Variants in PCDHGA4 observed in about 807,000 individuals in gnomAD.
PCDHGA4 encodes protocadherin gamma subfamily A, 4, also known as protocadherin gamma-A4.
A neutral mutation model predicts 54.6 loss-of-function variants in PCDHGA4; 38 were observed. That is an observed-to-expected ratio of 0.70 (90% CI 0.54 to 0.91). PCDHGA4 has a LOEUF of 0.91. PCDHGA4 is among the 40% of genes least tolerant of loss of function. The pLI is 0.00. For synonymous variants in PCDHGA4, 511 were observed against 512.9 expected (o/e 1.00, Z 0.05); for missense variants, 1,298 against 1,220.9 (o/e 1.06, Z -0.94).
intron 1 of PCDHGA4, among the ~76,000 whole-genome samples, chr5:141,456,918 G>A (rs535602842): frequency 6.6e-6 from 1 of 152,006 alleles, no homozygotes; most frequent in African/African-American, 2.4e-5. Context: ...AGCCGAGATC[G>A]CACCACTGCA....
At chr5:141,415,696 G>C (rs867312295) in intron 1 of PCDHGA4, 12 of 1,397,434 alleles carry the variant, frequency 8.6e-6, no homozygotes, top group Non-Finnish European at 1.1e-5. Flanking sequence ...GGTGGAAAGT[G>C]TAAATGCTAA....
At chr5:141,360,789 A>T (rs780273649) in intron 1 of PCDHGA4, 15 of 1,613,940 alleles carry the variant, frequency 9.3e-6, no homozygotes, top group Non-Finnish European at 1.2e-5. Context: ...TGGATGGCGG[A>T]GACCCACCTC....
rs1353509218 is a variant in PCDHGA4, at chr5:141,512,908, TTTATACTC to T, written c.*1737_*1744del. ...CCCTCTTCCTGTGTCTCACGCAAGTTTTATACTCTAATATTTATATGGCTTTTTTTCTT... is the reference window on the plus strand; with the variant it reads ...CCCTCTTCCTGTGTCTCACGCAAGTTTAATATTTATATGGCTTTTTTTCTT... On this transcript the variant is annotated 3_prime_UTR_variant, in exon 4 of 4. Transcript: ENST00000571252. 6.6e-6 allele frequency: 1 copy of T among 152,268 alleles called. No individual in the cohort carries two copies. Among genetic ancestry groups the T allele is most frequent in the Non-Finnish European group, 1.5e-5 (1 of 68,054 alleles). 9.4% of individuals were successfully genotyped at this position (152,268 alleles called of 1,614,324 possible).
Position 141,357,538 on chromosome 5 carries a change from A to C in PCDHGA4, c.2431A>C (p.Ile811Leu). ...FSQPSYADTL[I>L]SRESCEKSEP... ...CCAACCCAGCTATGCAGACACGCTC[A>C]TCAGCCGGGAGAGTTGTGAGAAAAG... The change falls in exon 1 of 4, where the codon ATC becomes CTC. Residue 811 changes from isoleucine (I) to leucine (L), a missense_variant. Coordinates refer to ENST00000571252, the MANE Select transcript of PCDHGA4 (RefSeq NM_018917.4). 6.2e-7 allele frequency: 1 copy of C among 1,614,220 alleles called. No individual in the cohort carries two copies. Among genetic ancestry groups the C allele is most frequent in the South Asian group, 1.1e-5 (1 of 91,086 alleles).
intron 1 of PCDHGA4, among the ~76,000 whole-genome samples, chr5:141,458,338 G>A (rs1160200932): frequency 2.6e-5 from 4 of 152,134 alleles, no homozygotes; most frequent in African/African-American, 9.7e-5. Context: ...GTTTTAAGGA[G>A]TGGAGAGTTT....
Position 141,494,830 on chromosome 5 carries a change from G to C in PCDHGA4, c.2538G>C (p.Trp846Cys), listed in dbSNP as rs2099757104. Residue 846 changes from tryptophan (W) to cysteine (C), a missense_variant, in exon 2 of 4, where the codon TGG (tryptophan) becomes TGC (cysteine). Coordinates refer to ENST00000571252, the MANE Select transcript of PCDHGA4 (RefSeq NM_018917.4). ...AGCAAGCCCCGCCCAACACGGACTG[G>C]CGTTTCTCTCAGGCCCAGAGACCCG... The part of the protein sequence containing the change: ...NLQQAPPNTD[W>C]RFSQAQRPGT... 6.2e-7 allele frequency: 1 copy of C among 1,614,098 alleles called. No homozygotes were observed. The highest frequency in any genetic ancestry group is 2.2e-5 in the East Asian group (1 of 44,862).
intron 1 of PCDHGA4, chr5:141,361,012 A>G: frequency 6.2e-7 from 1 of 1,613,186 alleles, no homozygotes; most frequent in South Asian, 1.1e-5. Flanking sequence ...ACACTTTTTC[A>G]ACTTAAATGA....
At chr5:141,407,767 G>T (rs1458257073) in intron 1 of PCDHGA4, among the ~76,000 whole-genome samples, 1 of 152,140 alleles carries the variant, frequency 6.6e-6, no homozygotes, top group Non-Finnish European at 1.5e-5. Context: ...GTTTGAAATT[G>T]TGCATAATAG....
chr5:141,383,610 C>T, intron 1 of PCDHGA4: 1 of 1,613,818 alleles, frequency 6.2e-7, no homozygotes, highest in South Asian at 1.1e-5. Flanking sequence ...ATGTGAATGA[C>T]CACACGCCTG....
At chr5:141,413,806 A>G (rs775797735) in intron 1 of PCDHGA4, 1 of 1,613,168 alleles carries the variant, frequency 6.2e-7, no homozygotes, top group Non-Finnish European at 8.5e-7. Context: ...GGAAGAGGCC[A>G]TTCACCACCT....
rs192411178 is a variant in PCDHGA4, at chr5:141,397,840, C to A, written c.2514+40219C>A. ...AATTACTGCACTGGTTAACTTGAAG[C>A]CGCAGAGGCTGTAGTTTCCTAGTGC... On this transcript the variant is annotated intron_variant, in intron 1 of 3. Transcript: ENST00000571252. 268 of 517,094 alleles carry A rather than the reference C, an allele frequency of 5.2e-4. 2 individuals carry two copies. Among genetic ancestry groups the A allele is most frequent in the African/African-American group, 4.6e-3 (241 of 51,950 alleles). The allele number at this position is 517,094 out of a possible 1,614,324, so 32.0% of individuals were successfully genotyped here. A position where few individuals can be genotyped will look rare whatever the true frequency, so the allele number is the denominator to read the frequency against.
intron 1 of PCDHGA4, among the ~76,000 whole-genome samples, chr5:141,494,512 C>T (rs2154591503): frequency 6.6e-6 from 1 of 152,276 alleles, no homozygotes; most frequent in Middle Eastern, 3.4e-3. Context: ...AATTTTGGCT[C>T]AGGAGTTCTG....
In PCDHGA4 at chr5:141,357,077, T is replaced by C. The variant is rs1040495853; in HGVS notation, c.1970T>C (p.Val657Ala). The part of the protein sequence containing the change: ...LFAVGLHTGE[V>A]RTARALLDRD... ...GCAGTGGGGCTGCACACAGGCGAGG[T>C]GCGCACCGCACGGGCCCTGCTGGAC... is the stretch of plus-strand genomic sequence containing the variant. The change falls in exon 1 of 4, where the codon GTG (valine) becomes GCG (alanine). Residue 657 changes from valine to alanine, a missense_variant. Transcript: ENST00000571252. The C allele has an allele frequency of 6.2e-7, 1 of 1,613,842 alleles. No individual in the cohort carries two copies. Among genetic ancestry groups the C allele is most frequent in the African/African-American group, 1.3e-5 (1 of 75,024 alleles).
chr5:141,362,549 T>C (rs1762561997), intron 1 of PCDHGA4: 1 of 1,612,502 alleles, frequency 6.2e-7, no homozygotes, highest in Admixed American at 1.7e-5. Context: ...TCAGATACTA[T>C]TTTGAAGGTG....
intron 1 of PCDHGA4, chr5:141,370,945 A>G (rs926355421): frequency 6.2e-7 from 1 of 1,614,020 alleles, no homozygotes; most frequent in Non-Finnish European, 8.5e-7. Context: ...ATTCAGAAGG[A>G]GAACCTGGAT....
chr5:141,375,103 C>G (rs1230243964), intron 1 of PCDHGA4: 1 of 1,613,900 alleles, frequency 6.2e-7, no homozygotes, highest in South Asian at 1.1e-5. Context: ...TCTTGGATGT[C>G]AATGATAATG....
intron 1 of PCDHGA4, among the ~76,000 whole-genome samples, chr5:141,454,649 G>A (rs1202153817): frequency 6.6e-6 from 1 of 151,800 alleles, no homozygotes; most frequent in Non-Finnish European, 1.5e-5. Context: ...CAGGTGATCT[G>A]CCCACCTCGG....
chr5:141,430,216 A>G (rs1487666733), intron 1 of PCDHGA4, among the ~76,000 whole-genome samples: 1 of 150,536 alleles, frequency 6.6e-6, no homozygotes, highest in Non-Finnish European at 1.5e-5. Flanking sequence ...TTATTATATT[A>G]TATGATTTGT....
intron 1 of PCDHGA4, chr5:141,405,168 A>G: frequency 1.2e-6 from 2 of 1,613,960 alleles, no homozygotes. Flanking sequence ...CCCACCTCAC[A>G]CTTTGTGGGT....
Sources: gnomAD v4.1 joint callset for allele counts (sites outside exome capture counted in the v4.1 genomes callset) on GRCh38, gnomAD v4.1.1 for gene constraint, MANE v1.5 for transcripts, NCBI Gene and HGNC (gene_info 2026-07-23, HGNC 2026-07-21) for gene names.